Variants in PLXNC1 observed in about 807,000 individuals in gnomAD.
PLXNC1 encodes plexin C1, also known as plexin-C1.
Under a neutral mutation model 178.2 loss-of-function variants are expected in PLXNC1, and 75 were observed. The ratio of observed to expected loss-of-function variants is 0.42; its 90% CI spans 0.35 to 0.51. The LOEUF (loss-of-function observed/expected upper bound fraction) is 0.51, where lower values mean the gene tolerates loss of function less well. Ranked by LOEUF, PLXNC1 falls within the 20% of genes least tolerant of loss-of-function variation. The pLI, the probability that PLXNC1 is intolerant of heterozygous loss-of-function variation, is 0.02. For missense variants in PLXNC1, 1,503 were observed against 1,984.4 expected (o/e 0.76, Z 4.61); for synonymous variants, 790 against 779.9 (o/e 1.01, Z -0.22).
chr12:94,264,019 C>CAAGA (rs1965092804), intron 20 of PLXNC1, among the ~76,000 whole-genome samples: 1 of 152,126 alleles, frequency 6.6e-6, no homozygotes, highest in South Asian at 2.1e-4. Flanking sequence ...TCAAGCTTGA[C>CAAGA]TCTTAACTGG....
At chr12:94,230,710 G>A (rs1025946915) in intron 9 of PLXNC1, among the ~76,000 whole-genome samples, 1 of 152,118 alleles carries the variant, frequency 6.6e-6, no homozygotes, top group Non-Finnish European at 1.5e-5. Flanking sequence ...CCTTCATGTT[G>A]GCCTTGAACA....
Position 94,259,654 on chromosome 12 carries a change from T to C in PLXNC1, c.3171T>C (p.Asp1057=), listed in dbSNP as rs1470362889. Residue 1057 remains aspartate, a synonymous_variant, in exon 19 of 31, where the codon GAT becomes GAC. Transcript: ENST00000258526. ...AGAATGAAAGTCTCACAGCTTTGGA[T>C]GCCCTAATCTGTAATAAAAGCTTTC... The part of the protein sequence containing the change: ...NDKNESLTAL[D]ALICNKSFLV... The C allele has an allele frequency of 6.2e-7, 1 of 1,611,608 alleles. No individual in the cohort carries two copies. Among genetic ancestry groups the C allele is most frequent in the Non-Finnish European group, 8.5e-7 (1 of 1,178,304 alleles).
chr12:94,300,006 G>A (rs1348333746), intron 27 of PLXNC1, among the ~76,000 whole-genome samples: 2 of 152,160 alleles, frequency 1.3e-5, no homozygotes, highest in East Asian at 3.9e-4. Context: ...AGCATATGGG[G>A]GAGGTAATGA....
Position 94,260,696 on chromosome 12 carries a change from G to A in PLXNC1, c.3306G>A (p.Leu1102=), listed in dbSNP as rs776485591. 3.1e-6 allele frequency: 5 copies of A among 1,613,894 alleles called. No homozygotes were observed. The East Asian group carries it at 1.1e-4, about 36-fold the overall frequency. ...TIALQTKLVY[L]TSILEVLTRD... is the part of the protein sequence containing the mutation. ...CACTGCAAACCAAGCTGGTCTACCT[G>A]ACCAGCATCCTAGAGGTGCTGACCA... The change falls in exon 20 of 31, where the codon CTG becomes CTA. Residue 1102 remains leucine (L), a synonymous_variant. Transcript: ENST00000258526. This position sits in a 1 kb window ranked among gnomAD's most constrained non-coding sequence, Gnocchi z 4.4.
At chr12:94,169,366 A>G in intron 2 of PLXNC1, 73 bp downstream of exon 2, 1 of 873,014 alleles carries the variant, frequency 1.1e-6, no homozygotes, top group Non-Finnish European at 1.7e-6. Flanking sequence ...ACATTTTTTT[A>G]ATGCTTCTGG....
intron 27 of PLXNC1, among the ~76,000 whole-genome samples, chr12:94,299,118 TTA>T (rs1968214994): frequency 1.3e-5 from 2 of 152,322 alleles, no homozygotes; most frequent in Non-Finnish European, 2.9e-5. Flanking sequence ...CATTTTTGCA[TTA>T]GAGAAAATTT....
At chr12:94,257,887 C>T (rs751406532) in intron 17 of PLXNC1, among the ~76,000 whole-genome samples, 5 of 150,196 alleles carry the variant, frequency 3.3e-5, no homozygotes, top group Non-Finnish European at 7.4e-5. Flanking sequence ...CCAGCCTGGG[C>T]GACAGAGCGA....
rs1045245435 is a variant in PLXNC1 at position 94,260,744 on chromosome 12, T to C, written c.3354T>C (p.Ser1118=). The C allele has an allele frequency of 6.2e-7, 1 of 1,614,186 alleles. No homozygotes were observed. The highest frequency in any genetic ancestry group is 1.7e-5 in the Admixed American group (1 of 60,020). ...CCAGGGACTTGATGGAACAGTGTAGTAACATGCAGCCGAAACTCATGCTGA... is the reference window on the plus strand; with the variant it reads ...CCAGGGACTTGATGGAACAGTGTAGCAACATGCAGCCGAAACTCATGCTGA... ...VLTRDLMEQC[S]NMQPKLMLRR... is the part of the protein sequence containing the mutation. Residue 1118 remains serine, a synonymous_variant, in exon 20 of 31, where the codon AGT becomes AGC. Transcript: ENST00000258526. The surrounding 1 kb of genome is among the most constrained non-coding windows in gnomAD (Gnocchi z 4.4).
At chr12:94,167,587 C>G (rs896605601) in intron 1 of PLXNC1, among the ~76,000 whole-genome samples, 1 of 152,060 alleles carries the variant, frequency 6.6e-6, no homozygotes, top group Non-Finnish European at 1.5e-5. Context: ...AAAGGTCATC[C>G]GACTTTTCTT....
intron 5 of PLXNC1, among the ~76,000 whole-genome samples, chr12:94,215,910 C>A (rs556760098): frequency 2.4e-4 from 36 of 152,046 alleles, no homozygotes; most frequent in Non-Finnish European, 4.1e-4. Flanking sequence ...ACCTCTGAAG[C>A]AATATAGTAT....
chr12:94,169,081 T>C, intron 1 of PLXNC1, 72 bp from the exon 2 acceptor site: 1 of 1,363,804 alleles, frequency 7.3e-7, no homozygotes, highest in Non-Finnish European at 1.0e-6. Flanking sequence ...GAGTGACATT[T>C]CATCAGTATA....
intron 4 of PLXNC1, among the ~76,000 whole-genome samples, chr12:94,188,560 G>A (rs12303699): frequency 0.31 from 46,401 of 151,956 alleles, 8,462 homozygotes; most frequent in South Asian, 0.47. Flanking sequence ...CTGACCTCAG[G>A]TGATCCGCCT....
Position 94,306,836 on chromosome 12 carries a change from C to T in PLXNC1, c.*1551C>T, listed in dbSNP as rs1470357952. On this transcript the variant is annotated 3_prime_UTR_variant, in exon 31 of 31. Transcript: ENST00000258526. Reference sequence around the variant, plus strand: ...AAGCAGTTACTACCCTGATAGGCACCTTCCCAATCCTGTTGCTTTTGACCA... The same window carrying T: ...AAGCAGTTACTACCCTGATAGGCACTTTCCCAATCCTGTTGCTTTTGACCA... 2.0e-5 allele frequency: 3 copies of T among 152,170 alleles called. No homozygotes were observed. The highest frequency in any genetic ancestry group is 4.4e-5 in the Non-Finnish European group (3 of 68,040). The allele number at this position is 152,170 out of a possible 1,614,324, so 9.4% of individuals were successfully genotyped here.
intron 18 of PLXNC1, 68 bp downstream of exon 18, chr12:94,259,443 A>G (rs976355401): frequency 7.9e-7 from 1 of 1,261,636 alleles, no homozygotes; most frequent in East Asian, 2.4e-5. Context: ...CATCATCACT[A>G]TCATCTCTAT....
chr12:94,229,536 T>C (rs966169877), intron 9 of PLXNC1, among the ~76,000 whole-genome samples: 25 of 152,244 alleles, frequency 1.6e-4, no homozygotes, highest in African/African-American at 5.1e-4. Flanking sequence ...GTAGCACTTA[T>C]ATTTTGGCCT....
rs147852111 is a variant in PLXNC1 at position 94,188,298 on chromosome 12, G to A, written c.1439+1825G>A. Among the ~76,000 whole-genome samples, 1,058 of 149,654 alleles carry A rather than the reference G, an allele frequency of 7.1e-3. 12 individuals are homozygous for A. Among genetic ancestry groups the A allele is most frequent in the South Asian group, 0.012 (58 of 4,744 alleles). ...AGCAGACACTGAAAGCGAAAGTAGA[G>A]TCCAAAGAATTTTGTCTTTTTGTCC... is the stretch of plus-strand genomic sequence containing the variant. On this transcript the variant is annotated intron_variant, in intron 4 of 30. Transcript: ENST00000258526.
intron 21 of PLXNC1, among the ~76,000 whole-genome samples, chr12:94,275,702 A>G (rs1185513907): frequency 7.7e-6 from 1 of 129,948 alleles, no homozygotes; most frequent in African/African-American, 3.1e-5. Context: ...AAAAATACAA[A>G]AAATTAGCCG....
At chr12:94,285,302 A>C (rs1011040857) in intron 23 of PLXNC1, among the ~76,000 whole-genome samples, 2 of 152,192 alleles carry the variant, frequency 1.3e-5, no homozygotes, top group African/African-American at 4.8e-5. Context: ...CCCAGGAAGA[A>C]GTGAGACTGT....
chr12:94,276,818 C>A (rs1019871313), intron 21 of PLXNC1: 3 of 152,246 alleles, frequency 2.0e-5, no homozygotes, highest in African/African-American at 7.2e-5. Flanking sequence ...GGCCTTTGAA[C>A]CCCTTCCTAG....
Sources: gnomAD v4.1 joint callset for allele counts (sites outside exome capture counted in the v4.1 genomes callset) on GRCh38, gnomAD v4.1.1 for gene constraint, Gnocchi (gnomAD v3.1) non-coding constraint, MANE v1.5 for transcripts, NCBI Gene and HGNC (gene_info 2026-07-23, HGNC 2026-07-21) for gene names.